Variants in DAB1 observed in about 807,000 individuals in gnomAD.
The protein encoded by DAB1 is DAB adaptor protein 1, also known as disabled homolog 1.
Under a neutral mutation model 64.6 loss-of-function variants are expected in DAB1, and 15 were observed. The observed-to-expected ratio is 0.23, with a 90% CI of 0.16 to 0.36. DAB1 has a LOEUF of 0.36. Among genes scored for constraint, DAB1 ranks in the 10% least tolerant of loss-of-function variants. The pLI is 1.00. For missense variants in DAB1, 596 were observed against 706.7 expected (o/e 0.84, Z 1.78); for synonymous variants, 235 against 251.9 (o/e 0.93, Z 0.64).
intron 1 of DAB1, among the ~76,000 whole-genome samples, chr1:57,382,222 A>T (rs80189455): frequency 0.12 from 17,640 of 152,174 alleles, 1,143 homozygotes; most frequent in Admixed American, 0.15. Context: ...GGGAGGAGAC[A>T]TAGGGAAGTG....
chr1:58,118,621 TAA>T (rs1231089592), intron 5 of DAB1, among the ~76,000 whole-genome samples: 4 of 129,164 alleles, frequency 3.1e-5, no homozygotes, highest in South Asian at 2.6e-4. Flanking sequence ...TATATATATA[TAA>T]AATACATATA....
chr1:57,225,088 A>G (rs1342028758), intron 2 of DAB1, among the ~76,000 whole-genome samples: 2 of 152,186 alleles, frequency 1.3e-5, no homozygotes, highest in Non-Finnish European at 2.9e-5. Context: ...CACTCTGTGT[A>G]TCTTTTCCTG....
intron 7 of DAB1, among the ~76,000 whole-genome samples, chr1:57,468,764 T>C (rs1159853711): frequency 2.6e-5 from 4 of 152,236 alleles, no homozygotes; most frequent in Non-Finnish European, 5.9e-5. Context: ...AAAAATAGAC[T>C]GATAAGCCAA....
intron 14 of DAB1, among the ~76,000 whole-genome samples, chr1:56,999,516 T>G (rs1645763677): frequency 1.3e-5 from 2 of 152,188 alleles, no homozygotes; most frequent in African/African-American, 4.8e-5. Context: ...TGGCTTTTAT[T>G]TTTTGAGTCC....
intron 1 of DAB1, among the ~76,000 whole-genome samples, chr1:57,348,832 C>A (rs1203286548): frequency 6.6e-6 from 1 of 152,134 alleles, no homozygotes; most frequent in Non-Finnish European, 1.5e-5. Flanking sequence ...GGTTTTGGTT[C>A]TTTTATTTCT....
chr1:57,469,660 C>T (rs1238350278), intron 7 of DAB1, among the ~76,000 whole-genome samples: 1 of 152,154 alleles, frequency 6.6e-6, no homozygotes, highest in Non-Finnish European at 1.5e-5. Flanking sequence ...TAATTCCTTT[C>T]TTAGCCTTGT....
chr1:58,127,898 C>T (rs949253569), intron 5 of DAB1, among the ~76,000 whole-genome samples: 2 of 152,178 alleles, frequency 1.3e-5, no homozygotes, highest in Non-Finnish European at 2.9e-5. Flanking sequence ...TAGTGTGATG[C>T]CTCCAGCTTG....
chr1:57,358,361 A>G (rs573441186), intron 1 of DAB1, among the ~76,000 whole-genome samples: 2 of 151,924 alleles, frequency 1.3e-5, no homozygotes, highest in Non-Finnish European at 2.9e-5. Context: ...TTATAAAGAG[A>G]TGTTACATTT....
intron 5 of DAB1, among the ~76,000 whole-genome samples, chr1:57,906,837 A>T (rs1433476038): frequency 6.6e-6 from 1 of 152,142 alleles, no homozygotes; most frequent in African/African-American, 2.4e-5. Flanking sequence ...CTTGGTGCTC[A>T]ATAAATATTT....
At position 57,342,260 on chromosome 1, in the gene DAB1, C is replaced by T. The variant is rs111595795; in HGVS notation, c.-136-51094G>A. 7.5e-3 allele frequency among the ~76,000 whole-genome samples: 1,137 copies of T among 152,280 alleles called. 8 individuals are homozygous for T. The highest frequency in any genetic ancestry group is 0.012 in the Non-Finnish European group (796 of 68,020). On this transcript the variant is annotated intron_variant, in intron 1 of 14. Coordinates refer to ENST00000371236, the MANE Select transcript of DAB1 (RefSeq NM_001365792.1). ...CCTTTGAGTCTTTTCTCCACAGGAT[C>T]TTCTATTATCATTCCCTCCATGTCA...
intron 5 of DAB1, among the ~76,000 whole-genome samples, chr1:57,933,995 A>G (rs1644988894): frequency 6.6e-6 from 1 of 151,186 alleles, no homozygotes; most frequent in Admixed American, 6.6e-5. Flanking sequence ...TCCCAGGTTC[A>G]AGCAGTTCTC....
intron 9 of DAB1, among the ~76,000 whole-genome samples, chr1:57,054,876 T>C (rs1191577144): frequency 6.6e-6 from 1 of 152,174 alleles, no homozygotes; most frequent in African/African-American, 2.4e-5. Flanking sequence ...TACGTGTATT[T>C]CCCAGCTCCC....
At chr1:57,377,173 G>A (rs1680965579) in intron 1 of DAB1, among the ~76,000 whole-genome samples, 2 of 152,006 alleles carry the variant, frequency 1.3e-5, no homozygotes. Flanking sequence ...TGGAGGCTGA[G>A]GAACGAGAAT....
intron 7 of DAB1, among the ~76,000 whole-genome samples, chr1:57,524,198 A>T (rs886847241): frequency 6.6e-6 from 1 of 152,100 alleles, no homozygotes; most frequent in African/African-American, 2.4e-5. Context: ...AAAGACATAG[A>T]GGCGAAAGTT....
intron 3 of DAB1, among the ~76,000 whole-genome samples, chr1:57,141,344 T>A (rs1298317290): frequency 6.6e-6 from 1 of 152,128 alleles, no homozygotes; most frequent in Non-Finnish European, 1.5e-5. Context: ...AGGAGATCAG[T>A]GGGTAGGAGA....
At chr1:57,692,699 T>G (rs1237978045) in intron 6 of DAB1, among the ~76,000 whole-genome samples, 1 of 152,084 alleles carries the variant, frequency 6.6e-6, no homozygotes, top group East Asian at 1.9e-4. Flanking sequence ...CAAGAAATAA[T>G]GAAATCTATC....
chr1:57,187,389 T>G (rs780547385), intron 2 of DAB1, among the ~76,000 whole-genome samples: 1 of 152,196 alleles, frequency 6.6e-6, no homozygotes, highest in Non-Finnish European at 1.5e-5. Context: ...CAAGGTACAG[T>G]ATAAAAAAGC....
intron 2 of DAB1, among the ~76,000 whole-genome samples, chr1:57,257,722 T>C (rs2100544814): frequency 6.6e-6 from 1 of 152,326 alleles, no homozygotes; most frequent in African/African-American, 2.4e-5. Flanking sequence ...TAAGTTATCA[T>C]GAGGGCCATA....
chr1:57,908,574 A>G (rs1206748399), intron 5 of DAB1, among the ~76,000 whole-genome samples: 1 of 151,878 alleles, frequency 6.6e-6, no homozygotes, highest in East Asian at 1.9e-4. Context: ...CACAGGCACA[A>G]TCCTGCCTAC....
Sources: gnomAD v4.1 joint callset for allele counts (sites outside exome capture counted in the v4.1 genomes callset) on GRCh38, gnomAD v4.1.1 for gene constraint, MANE v1.5 for transcripts, NCBI Gene and HGNC (gene_info 2026-07-23, HGNC 2026-07-21) for gene names.